The following TUBGCP2 variants were observed in gnomAD, a reference collection of about 807,000 sequenced individuals.
TUBGCP2 encodes the protein tubulin gamma complex component 2, also known as gamma-tubulin complex component 2.
Under a neutral mutation model 92.2 loss-of-function variants are expected in TUBGCP2, and 55 were observed. That is an observed-to-expected ratio of 0.60 (90% CI 0.48 to 0.75). The LOEUF (loss-of-function observed/expected upper bound fraction) is 0.75, where lower values mean the gene tolerates loss of function less well. TUBGCP2 is among the 30% of genes least tolerant of loss of function. The probability of loss-of-function intolerance (pLI) is 0.00; values close to 1 mark genes in which losing one functional copy is unlikely to be tolerated. For missense variants in TUBGCP2, 1,093 were observed against 1,188.9 expected (o/e 0.92, Z 1.19); for synonymous variants, 533 against 505.2 (o/e 1.06, Z -0.74).
At chr10:133,309,710 G>A, upstream of TUBGCP2, 2 of 1,574,730 alleles carry the variant, frequency 1.3e-6, no homozygotes, top group South Asian at 2.2e-5. Flanking sequence ...AAGGGAAACT[G>A]TGCAGAAAGT....
At chr10:133,296,321 C>T (rs3008347) in intron 5 of TUBGCP2, among the ~76,000 whole-genome samples, 40,382 of 152,070 alleles carry the variant, frequency 0.27, 6,695 homozygotes, top group African/African-American at 0.47. Flanking sequence ...CTTCCTTCTC[C>T]GAAGTCTGCC....
rs116565013 is a variant in TUBGCP2 at position 133,289,597 on chromosome 10, G to A, written c.1360+227C>T. Among the ~76,000 whole-genome samples the A allele has an allele frequency of 4.5e-3, 687 of 152,328 alleles. 6 individuals are homozygous for A. Among genetic ancestry groups the A allele is most frequent in the African/African-American group, 0.016 (654 of 41,578 alleles). ...GCAGGGTCAGGGACAGAGTCCCGGA[G>A]ATGGAAACCTGAGGGAACCTGGCAA... On this transcript the variant is annotated intron_variant, in intron 9 of 17. Transcript: ENST00000252936.
rs1307843668 is a variant in TUBGCP2, at chr10:133,293,639, G to A, written c.747C>T (p.Asp249=). Residue 249 remains aspartate, a synonymous_variant, in exon 6 of 18, where the codon GAC becomes GAT. Coordinates refer to ENST00000252936, the MANE Select transcript of TUBGCP2 (RefSeq NM_006659.4). ...CCCTGATGGACAGGTCCAGGTTGGGGTCCACGAGGAAGGTCCGGCTCTGCC... is the reference window on the plus strand; with the variant it reads ...CCCTGATGGACAGGTCCAGGTTGGGATCCACGAGGAAGGTCCGGCTCTGCC... ...AGRQSRTFLV[D]PNLDLSIREL... is the part of the protein sequence containing the mutation. 1.3e-6 allele frequency: 2 copies of A among 1,579,208 alleles called. No homozygotes were observed. Among genetic ancestry groups the A allele is most frequent in the Non-Finnish European group, 1.7e-6 (2 of 1,162,914 alleles).
intron 17 of TUBGCP2, among the ~76,000 whole-genome samples, 191 bp from the exon 18 acceptor site, chr10:133,280,092 G>A (rs901942450): frequency 6.6e-6 from 1 of 152,230 alleles, no homozygotes; most frequent in African/African-American, 2.4e-5. Flanking sequence ...GAGCAGCCCT[G>A]CTCCTACCAT....
intron 1 of TUBGCP2, among the ~76,000 whole-genome samples, chr10:133,306,766 C>G (rs1027710880): frequency 6.6e-6 from 1 of 152,170 alleles, no homozygotes; most frequent in South Asian, 2.1e-4. Context: ...CCAGCCTGGG[C>G]AACAGAGCGA....
intron 17 of TUBGCP2, 87 bp from the exon 18 acceptor site, chr10:133,279,988 A>G (rs1271026519): frequency 1.3e-6 from 2 of 1,513,728 alleles, no homozygotes; most frequent in Non-Finnish European, 1.8e-6. Context: ...CGGTGCAGCT[A>G]GGGTGCACAC....
Position 133,289,008 on chromosome 10 carries a change from TTTAGA to T in TUBGCP2, c.1368_1372del (p.Tyr456Ter). ...GTCATGGCCACACTCTCTGACCACA[TTTAGA>T]TATTTTCCTGAAAACACAGAAATTC... On this transcript the variant is annotated stop_gained and frameshift_variant, in exon 10 of 18. Transcript: ENST00000252936. LOFTEE classifies it high-confidence loss of function. 2 of 1,609,094 alleles carry T rather than the reference TTTAGA, an allele frequency of 1.2e-6. No individual in the cohort carries two copies. Among genetic ancestry groups the T allele is most frequent in the Non-Finnish European group, 8.5e-7 (1 of 1,177,704 alleles).
At chr10:133,303,968 G>A (rs753053327) in intron 1 of TUBGCP2, among the ~76,000 whole-genome samples, 2 of 152,220 alleles carry the variant, frequency 1.3e-5, no homozygotes, top group Admixed American at 6.5e-5. Flanking sequence ...CAGGGTGAGC[G>A]CCGCCCCTAC....
At position 133,299,598 on chromosome 10, in the gene TUBGCP2, C is replaced by A; in HGVS notation, c.285G>T (p.Leu95=). Residue 95 remains leucine, a synonymous_variant, in exon 4 of 18, where the codon CTG becomes CTT. Coordinates refer to ENST00000252936, the MANE Select transcript of TUBGCP2 (RefSeq NM_006659.4). The part of the protein sequence containing the change: ...LSKLTEDKET[L]QYLQQNAKER... ...CTTTTGCATTCTGTTGTAAGTACTG[C>A]AGAGTCTGAAAACATGTAAAACTGT... The A allele has an allele frequency of 6.2e-7, 1 of 1,605,390 alleles. No homozygotes were observed.
chr10:133,292,889 T>A (rs1589829928), intron 7 of TUBGCP2, 150 bp downstream of exon 7: 1 of 1,090,640 alleles, frequency 9.2e-7, no homozygotes, highest in East Asian at 2.6e-5. Flanking sequence ...TCTTGCAAGT[T>A]AATAGCACAT....
chr10:133,291,861 G>A (rs112722507), intron 8 of TUBGCP2, among the ~76,000 whole-genome samples: 411 of 13,110 alleles, frequency 0.031, 36 homozygotes, highest in Middle Eastern at 0.11. Context: ...CCTGTGTCCC[G>A]GGGAGCCCTA....
At chr10:133,286,946 C>T (rs1447958985) in intron 11 of TUBGCP2, among the ~76,000 whole-genome samples, 2 of 152,036 alleles carry the variant, frequency 1.3e-5, no homozygotes, top group Admixed American at 6.5e-5. Context: ...ACACTGAACC[C>T]CTAAGCAGCA....
At position 133,292,706 on chromosome 10, in the gene TUBGCP2, G is replaced by A. The variant is rs376549209; in HGVS notation, c.1025-18C>T. 1.2e-6 allele frequency: 2 copies of A among 1,608,262 alleles called. No individual in the cohort carries two copies. The highest frequency in any genetic ancestry group is 1.7e-6 in the Non-Finnish European group (2 of 1,177,086). On this transcript the variant is annotated intron_variant, in intron 7 of 17. Coordinates refer to ENST00000252936, the MANE Select transcript of TUBGCP2 (RefSeq NM_006659.4). ...CGAGGTGGCTGTGGGGAGAAAGGAGGGCTCACTGCTGAGAAGGAAGCGCAC... is the reference window on the plus strand; with the variant it reads ...CGAGGTGGCTGTGGGGAGAAAGGAGAGCTCACTGCTGAGAAGGAAGCGCAC...
intron 8 of TUBGCP2, among the ~76,000 whole-genome samples, chr10:133,291,898 C>A (rs148277238): frequency 0.034 from 284 of 8,456 alleles, 83 homozygotes; most frequent in East Asian, 0.14. Context: ...CAGCATGCAC[C>A]GTCCGTGTCC....
Position 133,281,349 on chromosome 10 carries a change from G to C in TUBGCP2, c.2497C>G (p.Leu833Val). 1.2e-6 allele frequency: 2 copies of C among 1,613,850 alleles called. No individual in the cohort carries two copies. The highest frequency in any genetic ancestry group is 1.7e-6 in the Non-Finnish European group (2 of 1,180,018). ...CTCAGCCGGGCCAGGAGGTCCAGCA[G>C]GTGGGCTGAGAAGTTCTTGTCAAAC... ...NKFDKNFSAH[L>V]LDLLARLSIY... Residue 833 changes from leucine (L) to valine (V), a missense_variant, in exon 17 of 18, where the codon CTG becomes GTG. Coordinates refer to ENST00000252936, the MANE Select transcript of TUBGCP2 (RefSeq NM_006659.4).
At position 133,302,856 on chromosome 10, in the gene TUBGCP2, A is replaced by G. The variant is rs776708598; in HGVS notation, c.86T>C (p.Ile29Thr). The G allele has an allele frequency of 3.2e-5, 52 of 1,613,776 alleles. No homozygotes were observed. Among genetic ancestry groups the G allele is most frequent in the South Asian group, 3.3e-5 (3 of 91,076 alleles). The change falls in exon 2 of 18, where the codon ATT (isoleucine) becomes ACT (threonine). Residue 29 changes from isoleucine (I) to threonine (T), a missense_variant. Ile to Thr is a moderately conservative substitution (Grantham distance 89, BLOSUM62 -1). Transcript: ENST00000252936. ...VHGGDGAEVY[I>T]DLLQKNRTPY... ...GGTCCTGTTCTTTTGAAGCAGGTCAATGTAGACCTCAGCCCCATCTCCTCC... is the reference window on the plus strand; with the variant it reads ...GGTCCTGTTCTTTTGAAGCAGGTCAGTGTAGACCTCAGCCCCATCTCCTCC...
chr10:133,310,248 CCCGCGGACTT>C, upstream of TUBGCP2: 1 of 1,614,018 alleles, frequency 6.2e-7, no homozygotes, highest in Non-Finnish European at 8.5e-7. Context: ...GCACCTGTAC[CCCGCGGACTT>C]CCGGTTTGAT....
At chr10:133,290,282 CAA>C in intron 8 of TUBGCP2, 1 of 285,106 alleles carries the variant, frequency 3.5e-6, no homozygotes, top group South Asian at 4.6e-5. Context: ...ATCACGAAGT[CAA>C]GAGATCAAGA....
intron 6 of TUBGCP2, 46 bp downstream of exon 6, chr10:133,293,516 T>G (rs746551727): frequency 2.0e-6 from 3 of 1,537,526 alleles, no homozygotes; most frequent in Non-Finnish European, 2.6e-6. Flanking sequence ...ACCTAACCCC[T>G]CCCCCACAAC....
Sources: allele counts gnomAD v4.1 joint callset (sites outside exome capture counted in the v4.1 genomes callset), GRCh38; gene constraint gnomAD v4.1.1; transcripts MANE v1.5; gene names NCBI Gene and HGNC (gene_info 2026-07-23, HGNC 2026-07-21).